SLC10A7: variants seen among roughly 807,000 people sequenced by gnomAD.
The protein encoded by SLC10A7 is solute carrier family 10 member 7, also known as sodium/bile acid cotransporter 7.
Under a neutral mutation model 43.2 loss-of-function variants are expected in SLC10A7, and 29 were observed. The ratio of observed to expected loss-of-function variants is 0.67; its 90% CI spans 0.50 to 0.92. The LOEUF is 0.92. Ranked by LOEUF, SLC10A7 falls within the 40% of genes least tolerant of loss-of-function variation. The probability of loss-of-function intolerance (pLI) is 0.00; values close to 1 mark genes in which losing one functional copy is unlikely to be tolerated. For synonymous variants in SLC10A7, 152 were observed against 144.8 expected, an observed-to-expected ratio of 1.05 and a Z score of -0.35; for missense variants, 295 against 403.2, an observed-to-expected ratio of 0.73 and a Z score of 2.30.
chr4:146,392,556 A>C (rs1738516944), intron 5 of SLC10A7, among the ~76,000 whole-genome samples: 1 of 152,182 alleles, frequency 6.6e-6, no homozygotes, highest in Admixed American at 6.5e-5. Context: ...CTTCAGATTT[A>C]CTGAAAAACA....
At chr4:146,321,766 T>G (rs1732725429) in intron 6 of SLC10A7, among the ~76,000 whole-genome samples, 1 of 152,160 alleles carries the variant, frequency 6.6e-6, no homozygotes. Flanking sequence ...TTCAGGTTCT[T>G]GCTCCGTTAC....
intron 5 of SLC10A7, among the ~76,000 whole-genome samples, chr4:146,329,711 C>T (rs1733401550): frequency 6.6e-6 from 1 of 152,094 alleles, no homozygotes; most frequent in Non-Finnish European, 1.5e-5. Context: ...AGAAGTAAGC[C>T]TTCATGTCAT....
At chr4:146,424,801 C>CA (rs1483356074) in intron 5 of SLC10A7, among the ~76,000 whole-genome samples, 2 of 151,912 alleles carry the variant, frequency 1.3e-5, no homozygotes, top group Non-Finnish European at 2.9e-5. Context: ...TACTATTTTC[C>CA]AAAAAACATT....
chr4:146,465,979 C>A (rs180864359), intron 4 of SLC10A7, among the ~76,000 whole-genome samples: 6 of 152,214 alleles, frequency 3.9e-5, no homozygotes, highest in African/African-American at 1.4e-4. Context: ...CTGCTTTCTC[C>A]TCTTTCCTTC....
At chr4:146,424,623 G>C (rs1237756244) in intron 5 of SLC10A7, among the ~76,000 whole-genome samples, 1 of 151,540 alleles carries the variant, frequency 6.6e-6, no homozygotes, top group African/African-American at 2.4e-5. Context: ...TCGGGCTACT[G>C]CACTGTAGCC....
At chr4:146,380,879 TA>T (rs926831805) in intron 5 of SLC10A7, among the ~76,000 whole-genome samples, 7 of 151,744 alleles carry the variant, frequency 4.6e-5, no homozygotes, top group African/African-American at 1.2e-4. Context: ...TCCCAGAAGT[TA>T]AAAAAAATAG....
chr4:146,506,505 T>C (rs929676093), intron 3 of SLC10A7, among the ~76,000 whole-genome samples: 9 of 152,190 alleles, frequency 5.9e-5, no homozygotes, highest in African/African-American at 1.9e-4. Flanking sequence ...CCTGCCTCCA[T>C]GGCCCCAGAG....
chr4:146,459,588 A>T (rs941613937), intron 4 of SLC10A7, among the ~76,000 whole-genome samples: 8 of 151,426 alleles, frequency 5.3e-5, no homozygotes, highest in Non-Finnish European at 1.0e-4. Flanking sequence ...TAATCTTTTC[A>T]ATAGGTGGTA....
intron 4 of SLC10A7, among the ~76,000 whole-genome samples, chr4:146,466,907 G>GA (rs1204607868): frequency 6.6e-6 from 1 of 152,140 alleles, no homozygotes; most frequent in Non-Finnish European, 1.5e-5. Flanking sequence ...AGCCTAGGAT[G>GA]AAGCACCTAT....
intron 4 of SLC10A7, among the ~76,000 whole-genome samples, chr4:146,488,792 C>T (rs1278361341): frequency 6.6e-6 from 1 of 152,148 alleles, no homozygotes; most frequent in Non-Finnish European, 1.5e-5. Context: ...AATATATAGC[C>T]TATTGTGTAT....
At chr4:146,331,714 T>C (rs1733549438) in intron 5 of SLC10A7, among the ~76,000 whole-genome samples, 1 of 152,176 alleles carries the variant, frequency 6.6e-6, no homozygotes, top group Non-Finnish European at 1.5e-5. Flanking sequence ...GGAAATATCA[T>C]TTTAAAAAAA....
At chr4:146,391,947 T>C (rs1405553268) in intron 5 of SLC10A7, among the ~76,000 whole-genome samples, 1 of 152,186 alleles carries the variant, frequency 6.6e-6, no homozygotes, top group Non-Finnish European at 1.5e-5. Context: ...ATTATGCGTC[T>C]CAGGAATAAA....
At chr4:146,454,049 C>T (rs1345238602) in intron 4 of SLC10A7, among the ~76,000 whole-genome samples, 2 of 151,796 alleles carry the variant, frequency 1.3e-5, no homozygotes, top group African/African-American at 4.8e-5. Context: ...TAGTAGAATA[C>T]TTTTTAAGAG....
chr4:146,492,194 T>C (rs1341872478), intron 4 of SLC10A7, among the ~76,000 whole-genome samples: 1 of 150,436 alleles, frequency 6.6e-6, no homozygotes, highest in East Asian at 2.0e-4. Flanking sequence ...CACTCCAGCC[T>C]GGGCGACAGA....
At chr4:146,443,490 TA>T (rs1730771469) in intron 4 of SLC10A7, among the ~76,000 whole-genome samples, 1 of 152,226 alleles carries the variant, frequency 6.6e-6, no homozygotes, top group African/African-American at 2.4e-5. Context: ...TGAATCACTA[TA>T]TTCAATGAAG....
chr4:146,505,316 T>C (rs1339940296), intron 3 of SLC10A7, among the ~76,000 whole-genome samples: 3 of 152,224 alleles, frequency 2.0e-5, no homozygotes, highest in Admixed American at 6.5e-5. Flanking sequence ...TTCTTCCTTA[T>C]AATTTTCTTA....
At chr4:146,340,200 A>G (rs905002450) in intron 5 of SLC10A7, among the ~76,000 whole-genome samples, 14 of 151,796 alleles carry the variant, frequency 9.2e-5, no homozygotes, top group Non-Finnish European at 1.9e-4. Context: ...TAGACTCTGA[A>G]TCTCTCTAAG....
chr4:146,305,590 A>G (rs1731506341), intron 7 of SLC10A7, among the ~76,000 whole-genome samples: 1 of 149,022 alleles, frequency 6.7e-6, no homozygotes, highest in African/African-American at 2.5e-5. Context: ...AAGAAAAAAA[A>G]ACTTAAAAAA....
chr4:146,454,832 CA>C (rs1404797919), intron 4 of SLC10A7, among the ~76,000 whole-genome samples: 9 of 151,950 alleles, frequency 5.9e-5, no homozygotes, highest in African/African-American at 7.2e-5. Flanking sequence ...TTCACAGGAA[CA>C]AACCATGGGT....
Sources: allele counts gnomAD v4.1 joint callset (sites outside exome capture counted in the v4.1 genomes callset), GRCh38; gene constraint gnomAD v4.1.1; transcripts MANE v1.5; gene names NCBI Gene and HGNC (gene_info 2026-07-23, HGNC 2026-07-21).